The following NRCAM variants were observed in gnomAD, a reference collection of about 807,000 sequenced individuals.
The protein encoded by NRCAM is NgCAM-related cell adhesion molecule.
NRCAM carries 83 observed loss-of-function variants against 156.5 expected under a neutral mutation model. The observed-to-expected ratio is 0.53, with a 90% CI of 0.44 to 0.64. The LOEUF (loss-of-function observed/expected upper bound fraction) is 0.64, where lower values mean the gene tolerates loss of function less well. Among genes scored for constraint, NRCAM ranks in the 30% least tolerant of loss-of-function variants. NRCAM has a pLI of 0.00. For synonymous variants in NRCAM, 538 were observed against 563.9 expected (o/e 0.95, Z 0.65); for missense variants, 1,417 against 1,597.3 (o/e 0.89, Z 1.92).
chr7:108,339,103 A>G (rs181782457), intron 2 of NRCAM, among the ~76,000 whole-genome samples: 1 of 152,380 alleles, frequency 6.6e-6, no homozygotes, highest in East Asian at 1.9e-4. Flanking sequence ...GAAAAAGGTA[A>G]TTTAACACTA....
rs146794175 is a variant in NRCAM, at chr7:108,418,776, G to A, written c.-331-19183C>T. 5.5e-3 allele frequency among the ~76,000 whole-genome samples: 840 copies of A among 152,270 alleles called. 9 individuals carry two copies. The highest frequency in any genetic ancestry group is 0.019 in the African/African-American group (786 of 41,552). On this transcript the variant is annotated intron_variant, in intron 1 of 32. Coordinates refer to ENST00000379028, the MANE Select transcript of NRCAM (RefSeq NM_001037132.4). ...ATAATTTCAACATTTTAATACAACT[G>A]TGTGGATTTTTTTCTGGCTTATTTT...
chr7:108,188,449 T>A (rs1488756786), intron 20 of NRCAM, among the ~76,000 whole-genome samples: 1 of 152,060 alleles, frequency 6.6e-6, no homozygotes, highest in African/African-American at 2.4e-5. Flanking sequence ...TGCTTAATAA[T>A]GTATTATTAA....
intron 32 of NRCAM, among the ~76,000 whole-genome samples, chr7:108,158,995 T>C (rs1236678071): frequency 2.0e-5 from 3 of 152,204 alleles, no homozygotes; most frequent in Non-Finnish European, 4.4e-5. Context: ...CTAGTCACCA[T>C]TTCATGATTA....
intron 3 of NRCAM, among the ~76,000 whole-genome samples, chr7:108,295,650 G>A (rs1263655575): frequency 2.0e-5 from 3 of 152,262 alleles, no homozygotes; most frequent in East Asian, 3.9e-4. Context: ...ATGAATTTTG[G>A]GGGGACACAA....
intron 32 of NRCAM, among the ~76,000 whole-genome samples, chr7:108,153,509 A>G (rs1405120333): frequency 6.6e-6 from 1 of 152,068 alleles, no homozygotes; most frequent in Non-Finnish European, 1.5e-5. Flanking sequence ...AGTAAACATC[A>G]TCCTTAATGG....
At chr7:108,425,596 G>A (rs2076072601) in intron 1 of NRCAM, among the ~76,000 whole-genome samples, 1 of 152,152 alleles carries the variant, frequency 6.6e-6, no homozygotes, top group Non-Finnish European at 1.5e-5. Flanking sequence ...AATTATCCCT[G>A]ACTTTATAGT....
At chr7:108,384,450 T>A (rs2099728619) in intron 2 of NRCAM, among the ~76,000 whole-genome samples, 1 of 152,156 alleles carries the variant, frequency 6.6e-6, no homozygotes, top group Admixed American at 6.6e-5. Flanking sequence ...ATTTGAAGGT[T>A]GTATTTGAAC....
chr7:108,233,401 GC>G (rs748157361), intron 6 of NRCAM, among the ~76,000 whole-genome samples: 1 of 152,174 alleles, frequency 6.6e-6, no homozygotes, highest in Non-Finnish European at 1.5e-5. Flanking sequence ...CATATTGTGG[GC>G]AGGGGCCACG....
chr7:108,264,907 C>G (rs1239793891), intron 3 of NRCAM, among the ~76,000 whole-genome samples: 1 of 152,068 alleles, frequency 6.6e-6, no homozygotes, highest in African/African-American at 2.4e-5. Context: ...CCTCTTCCCT[C>G]CAACAGCAGA....
intron 2 of NRCAM, among the ~76,000 whole-genome samples, chr7:108,332,925 A>G (rs1389078203): frequency 6.6e-6 from 1 of 152,180 alleles, no homozygotes; most frequent in Non-Finnish European, 1.5e-5. Flanking sequence ...GATAGAAATA[A>G]GAAGAGAAAA....
chr7:108,204,565 T>C (rs2080015930), intron 13 of NRCAM, among the ~76,000 whole-genome samples: 1 of 152,248 alleles, frequency 6.6e-6, no homozygotes, highest in Admixed American at 6.5e-5. Flanking sequence ...GGTATAAACA[T>C]GCAGCACCTG....
chr7:108,396,211 C>T (rs2099776451), intron 2 of NRCAM, among the ~76,000 whole-genome samples: 1 of 152,122 alleles, frequency 6.6e-6, no homozygotes, highest in Non-Finnish European at 1.5e-5. Context: ...AAGATTGAAA[C>T]AGGGAGAAAT....
chr7:108,194,114 A>G lies in NRCAM; in HGVS notation c.1688T>C (p.Val563Ala). The G allele has an allele frequency of 1.9e-6, 3 of 1,614,142 alleles. No individual in the cohort carries two copies. Among genetic ancestry groups the G allele is most frequent in the Non-Finnish European group, 2.5e-6 (3 of 1,179,948 alleles). ...EYAVVQRGSM[V>A]SFECKVKHDH... ...ATGTTTCACTTTGCATTCAAAGGAC[A>G]CCATGCTCCCTCTTTGCACAACTGC... The change falls in exon 17 of 33, where the codon GTG becomes GCG. Residue 563 changes from valine to alanine, a missense_variant. By Grantham distance (64) the Val-to-Ala change is moderately conservative (BLOSUM62 0). Coordinates refer to ENST00000379028, the MANE Select transcript of NRCAM (RefSeq NM_001037132.4).
chr7:108,272,957 C>T lies in NRCAM; in HGVS notation c.-106-32787G>A, dbSNP rs559279754. ...ATTCCCCTCCCTGTGTCCATGTGTT[C>T]TCATTGTTCAACTCCCACTTATGAG... On this transcript the variant is annotated intron_variant, in intron 3 of 32. Coordinates refer to ENST00000379028, the MANE Select transcript of NRCAM (RefSeq NM_001037132.4). Among the ~76,000 whole-genome samples the T allele has an allele frequency of 1.1e-4, 17 of 152,190 alleles. No homozygotes were observed. In the East Asian group the frequency reaches 3.3e-3, roughly 29 times the overall value.
intron 32 of NRCAM, among the ~76,000 whole-genome samples, chr7:108,150,473 T>A (rs897456659): frequency 3.9e-5 from 6 of 152,092 alleles, no homozygotes; most frequent in Non-Finnish European, 7.4e-5. Flanking sequence ...AGTAGAAAAA[T>A]CATCACTATT....
intron 2 of NRCAM, among the ~76,000 whole-genome samples, chr7:108,371,499 G>A (rs1445976298): frequency 6.6e-6 from 1 of 152,148 alleles, no homozygotes; most frequent in African/African-American, 2.4e-5. Context: ...CACAGAGGGA[G>A]ATGATATGTT....
intron 3 of NRCAM, among the ~76,000 whole-genome samples, chr7:108,241,225 C>T (rs917288521): frequency 3.9e-5 from 6 of 152,178 alleles, no homozygotes; most frequent in Admixed American, 2.0e-4. Flanking sequence ...GCTCTCTACT[C>T]CTCCAGGAAA....
chr7:108,422,622 CTCAA>C (rs1178629920), intron 1 of NRCAM, among the ~76,000 whole-genome samples: 1 of 152,100 alleles, frequency 6.6e-6, no homozygotes, highest in African/African-American at 2.4e-5. Context: ...AATGGGGTTT[CTCAA>C]TCAAAAAGAA....
At chr7:108,275,483 G>C (rs1038247509) in intron 3 of NRCAM, among the ~76,000 whole-genome samples, 2 of 152,176 alleles carry the variant, frequency 1.3e-5, no homozygotes, top group Non-Finnish European at 2.9e-5. Flanking sequence ...ATTTGTCCAG[G>C]AATTTATCCA....
Sources: allele counts gnomAD v4.1 joint callset (sites outside exome capture counted in the v4.1 genomes callset), GRCh38; gene constraint gnomAD v4.1.1; transcripts MANE v1.5; gene names NCBI Gene and HGNC (gene_info 2026-07-23, HGNC 2026-07-21).